CBL: variants seen among roughly 807,000 people sequenced by gnomAD.
CBL encodes the protein E3 ubiquitin-protein ligase CBL.
Under a neutral mutation model 96.9 loss-of-function variants are expected in CBL, and 45 were observed. The ratio of observed to expected loss-of-function variants is 0.46; its 90% CI spans 0.37 to 0.60. The LOEUF is 0.60. CBL is among the 20% of genes least tolerant of loss of function. The pLI is 0.00. For missense variants in CBL, 1,024 were observed against 1,143.5 expected (o/e 0.90, Z 1.51); for synonymous variants, 420 against 426.8 (o/e 0.98, Z 0.20).
Position 119,236,887 on chromosome 11 carries a change from C to CCT in CBL, c.443+4194_443+4195dup, listed in dbSNP as rs200889750. 6.6e-3 allele frequency among the ~76,000 whole-genome samples: 1,000 copies of CCT among 152,220 alleles called. 25 individuals are homozygous for CCT. The highest frequency in any genetic ancestry group is 0.019 in the Admixed American group (296 of 15,280). On this transcript the variant is annotated intron_variant, in intron 2 of 15. Transcript: ENST00000264033. ...TTTGTATATAGTTGTCCCCCTTTATCCTCAGTTTAACCTTCCTTGGATTCA... is the reference window on the plus strand; with the variant it reads ...TTTGTATATAGTTGTCCCCCTTTATCCTCTCAGTTTAACCTTCCTTGGATTCA...
intron 2 of CBL, among the ~76,000 whole-genome samples, chr11:119,239,513 C>T (rs553548995): frequency 1.8e-4 from 27 of 152,150 alleles, no homozygotes; most frequent in Non-Finnish European, 2.9e-4. Context: ...CTTAGGCTTT[C>T]CTAGATACCA....
At chr11:119,253,533 GC>G (rs1451999154) in intron 2 of CBL, among the ~76,000 whole-genome samples, 7 of 148,228 alleles carry the variant, frequency 4.7e-5, no homozygotes, top group South Asian at 2.2e-4. Context: ...GGACGATGTG[GC>G]TCACACCTGT....
In CBL at chr11:119,243,131, A is replaced by T. The variant is rs372642926; in HGVS notation, c.443+10436A>T. Among the ~76,000 whole-genome samples, 21 of 152,206 alleles carry T rather than the reference A, an allele frequency of 1.4e-4. No homozygotes were observed. The East Asian group carries it at 3.7e-3, about 27-fold the overall frequency. On this transcript the variant is annotated intron_variant, in intron 2 of 15. Coordinates refer to ENST00000264033, the MANE Select transcript of CBL (RefSeq NM_005188.4). ...CGTCTCTACTAAAAATACAAAAATT[A>T]GCTGTGTGTGGCAGTGCACGCCTGT...
intron 2 of CBL, among the ~76,000 whole-genome samples, chr11:119,233,965 T>C (rs1949523466): frequency 6.6e-6 from 1 of 152,186 alleles, no homozygotes; most frequent in African/African-American, 2.4e-5. Context: ...GTCTGAGTAA[T>C]GGACTCAAAA....
At chr11:119,241,435 T>C (rs1284142411) in intron 2 of CBL, among the ~76,000 whole-genome samples, 1 of 152,138 alleles carries the variant, frequency 6.6e-6, no homozygotes, top group Non-Finnish European at 1.5e-5. Flanking sequence ...GGAAAAAAAA[T>C]TAGTATTGAG....
intron 2 of CBL, among the ~76,000 whole-genome samples, chr11:119,255,926 G>C (rs1949707702): frequency 6.6e-6 from 1 of 151,768 alleles, no homozygotes; most frequent in Non-Finnish European, 1.5e-5. Flanking sequence ...GTAGAGGCAG[G>C]GTTTTACTGT....
At chr11:119,290,991 T>C (rs1950022921) in intron 12 of CBL, among the ~76,000 whole-genome samples, 1 of 152,154 alleles carries the variant, frequency 6.6e-6, no homozygotes, top group African/African-American at 2.4e-5. Context: ...GTGTAGCATC[T>C]GAACTGAAGT....
intron 2 of CBL, among the ~76,000 whole-genome samples, chr11:119,237,722 A>G (rs1949555978): frequency 6.6e-6 from 1 of 152,172 alleles, no homozygotes; most frequent in African/African-American, 2.4e-5. Flanking sequence ...CTGGACTCTC[A>G]GTTTCATTTC....
chr11:119,238,452 C>T (rs1410742106), intron 2 of CBL, among the ~76,000 whole-genome samples: 3 of 151,596 alleles, frequency 2.0e-5, no homozygotes, highest in East Asian at 3.9e-4. Context: ...TCATGTGACC[C>T]GCCCGCCTCG....
Position 119,301,006 on chromosome 11 carries a change from C to T in CBL, c.*1225C>T. ...TTATATTTTCAGCAGTGGTTTTTTC[C>T]TTTGCCCTTTAAGGAGTGGGGATAA... On this transcript the variant is annotated 3_prime_UTR_variant, in exon 16 of 16. Transcript: ENST00000264033. The T allele has an allele frequency of 4.3e-6, 1 of 233,880 alleles. No homozygotes were observed. The highest frequency in any genetic ancestry group is 8.4e-6 in the Non-Finnish European group (1 of 118,542). 14.5% of individuals were successfully genotyped at this position (233,880 alleles called of 1,614,324 possible).
intron 2 of CBL, among the ~76,000 whole-genome samples, chr11:119,271,015 A>C (rs1949844356): frequency 6.6e-6 from 1 of 152,236 alleles, no homozygotes; most frequent in East Asian, 1.9e-4. Flanking sequence ...TGGTAAAGGA[A>C]GAGGAGTTTG....
At chr11:119,257,261 C>T (rs1021611834) in intron 2 of CBL, among the ~76,000 whole-genome samples, 5 of 152,240 alleles carry the variant, frequency 3.3e-5, no homozygotes, top group Non-Finnish European at 7.3e-5. Flanking sequence ...ATGTACACAT[C>T]AGCATCTATT....
intron 9 of CBL, among the ~76,000 whole-genome samples, chr11:119,283,621 C>CTTTTT (rs1410071154): frequency 5.5e-5 from 2 of 36,496 alleles, no homozygotes; most frequent in Non-Finnish European, 1.2e-4. Flanking sequence ...CTTTTTAATT[C>CTTTTT]TTTCTTTTTT....
chr11:119,260,738 C>A (rs1949747884), intron 2 of CBL, among the ~76,000 whole-genome samples: 1 of 152,042 alleles, frequency 6.6e-6, no homozygotes, highest in Non-Finnish European at 1.5e-5. Context: ...ACTTTTCTAT[C>A]TCAGGCTCCC....
intron 2 of CBL, among the ~76,000 whole-genome samples, chr11:119,258,226 C>CA (rs1246860557): frequency 2.6e-5 from 4 of 151,732 alleles, no homozygotes; most frequent in Admixed American, 1.3e-4. Context: ...GACTACGTCT[C>CA]AAAAAAACAA....
rs554958214 is a variant in CBL, at chr11:119,219,600, G to A, written c.196-12848G>A. Among the ~76,000 whole-genome samples the A allele has an allele frequency of 2.0e-5, 3 of 152,076 alleles. No homozygotes were observed. The East Asian group carries it at 5.8e-4, about 29-fold the overall frequency. On this transcript the variant is annotated intron_variant, in intron 1 of 15. Coordinates refer to ENST00000264033, the MANE Select transcript of CBL (RefSeq NM_005188.4). The stretch of plus-strand genomic sequence containing the variant: ...GGAATGCATCCCCCTAAGATAAAGG[G>A]GGACCACTGTAATCTCTAGTTCATA...
In CBL at chr11:119,230,313, C is replaced by T. The variant is rs1041495545; in HGVS notation, c.196-2135C>T. ...GACTACAGGCGCCCGCCACCACGCC[C>T]GGCTAATTTTTAGTATTTTTAGTAG... On this transcript the variant is annotated intron_variant, in intron 1 of 15. Coordinates refer to ENST00000264033, the MANE Select transcript of CBL (RefSeq NM_005188.4). 7.2e-5 allele frequency among the ~76,000 whole-genome samples: 11 copies of T among 152,090 alleles called. No individual in the cohort carries two copies. The South Asian group carries it at 8.3e-4, about 11-fold the overall frequency.
At chr11:119,254,607 CTTT>C (rs897083613) in intron 2 of CBL, among the ~76,000 whole-genome samples, 1 of 145,668 alleles carries the variant, frequency 6.9e-6, no homozygotes. Flanking sequence ...CTTTTTTTAT[CTTT>C]TTTTTTTTTG....
chr11:119,282,439 A>C (rs1372829168), intron 9 of CBL, among the ~76,000 whole-genome samples: 2 of 152,226 alleles, frequency 1.3e-5, no homozygotes, highest in East Asian at 3.8e-4. Context: ...GAATGAGAGA[A>C]AGATTGATGA....
Sources: allele counts gnomAD v4.1 joint callset (sites outside exome capture counted in the v4.1 genomes callset), GRCh38; gene constraint gnomAD v4.1.1; transcripts MANE v1.5; gene names NCBI Gene and HGNC (gene_info 2026-07-23, HGNC 2026-07-21).